The following DLGAP2 variants were observed in gnomAD, a reference collection of about 807,000 sequenced individuals.
DLGAP2 encodes DLG associated protein 2.
Under a neutral mutation model 100.3 loss-of-function variants are expected in DLGAP2, and 26 were observed. That is an observed-to-expected ratio of 0.26 (90% CI 0.19 to 0.36). The LOEUF (loss-of-function observed/expected upper bound fraction) is 0.36. Among genes scored for constraint, DLGAP2 ranks in the 10% least tolerant of loss-of-function variants. DLGAP2 has a pLI of 1.00. For synonymous variants in DLGAP2, 886 were observed against 630.1 expected, an observed-to-expected ratio of 1.41 and a Z score of -6.08; for missense variants, 1,858 against 1,453.2, an observed-to-expected ratio of 1.28 and a Z score of -4.53.
At chr8:825,020 C>T (rs1239841060) in intron 1 of DLGAP2, among the ~76,000 whole-genome samples, 2 of 152,170 alleles carry the variant, frequency 1.3e-5, no homozygotes, top group Non-Finnish European at 2.9e-5. Context: ...ACAAGCAGCA[C>T]CCTGTGTTGA....
chr8:1,619,240 A>G (rs1797252592), intron 6 of DLGAP2, among the ~76,000 whole-genome samples: 2 of 152,258 alleles, frequency 1.3e-5, no homozygotes, highest in Admixed American at 6.5e-5. Context: ...AGAATTAGTC[A>G]TCCAGGAGGT....
Position 1,129,806 on chromosome 8 carries a change from C to T in DLGAP2, c.74-129045C>T, listed in dbSNP as rs369587657. ...GTGGCAGAGGCCCACTGAGGAGCAG[C>T]CTGGATTCATGTCTGGGAGCGCTGA... is the stretch of plus-strand genomic sequence containing the variant. On this transcript the variant is annotated intron_variant, in intron 2 of 14. Coordinates refer to ENST00000637795, the MANE Select transcript of DLGAP2 (RefSeq NM_001346810.2). Among the ~76,000 whole-genome samples the T allele has an allele frequency of 1.7e-3, 260 of 152,270 alleles. 1 individual carries two copies. Among genetic ancestry groups the T allele is most frequent in the African/African-American group, 5.1e-3 (211 of 41,560 alleles).
At chr8:1,486,321 A>T (rs967696057) in intron 3 of DLGAP2, among the ~76,000 whole-genome samples, 1 of 152,234 alleles carries the variant, frequency 6.6e-6, no homozygotes, top group Non-Finnish European at 1.5e-5. Flanking sequence ...TGCAAAAGGC[A>T]GCCAAGACAG....
At chr8:1,700,014 C>G (rs571687390) in intron 14 of DLGAP2, among the ~76,000 whole-genome samples, 175 of 152,342 alleles carry the variant, frequency 1.1e-3, no homozygotes, top group Non-Finnish European at 1.6e-3. Flanking sequence ...TTTCAATGAA[C>G]TGATCCCCCC....
intron 2 of DLGAP2, among the ~76,000 whole-genome samples, chr8:1,220,276 T>A (rs142589399): frequency 0.014 from 2,167 of 152,326 alleles, 30 homozygotes; most frequent in South Asian, 0.068. Flanking sequence ...AACACTGCTT[T>A]ACCTGTGACC....
At chr8:1,516,412 AGAGT>A (rs1243281797) in intron 4 of DLGAP2, among the ~76,000 whole-genome samples, 1 of 148,714 alleles carries the variant, frequency 6.7e-6, no homozygotes, top group African/African-American at 2.5e-5. Context: ...ACTGAGTGAA[AGAGT>A]GAGTGACTGA....
At chr8:981,450 T>A (rs1800329155) in intron 2 of DLGAP2, among the ~76,000 whole-genome samples, 1 of 151,998 alleles carries the variant, frequency 6.6e-6, no homozygotes. Flanking sequence ...TATCTAGGAG[T>A]GGAAGCGCTA....
At chr8:1,489,465 A>C (rs927498366) in intron 3 of DLGAP2, among the ~76,000 whole-genome samples, 2 of 152,194 alleles carry the variant, frequency 1.3e-5, no homozygotes, top group African/African-American at 4.8e-5. Context: ...AGAAGGAAGG[A>C]AGCTGTACGT....
intron 2 of DLGAP2, among the ~76,000 whole-genome samples, chr8:1,140,336 CT>C (rs1796500300): frequency 8.0e-6 from 1 of 124,694 alleles, no homozygotes. Context: ...TCCCTTCCAT[CT>C]GGAAGGCAGA....
Position 1,254,973 on chromosome 8 carries a change from G to GCCCGGCCGC in DLGAP2, c.74-3878_74-3877insCCCGGCCGC, listed in dbSNP as rs1799145978. Reference sequence around the variant, plus strand: ...TGCTGTGTGTGTGTCCTCTCATCCTGTCCGGGTGCTGTGTGTGTGTCCTCT... The same window carrying GCCCGGCCGC: ...TGCTGTGTGTGTGTCCTCTCATCCTGCCCGGCCGCTCCGGGTGCTGTGTGTGTGTCCTCT... On this transcript the variant is annotated intron_variant, in intron 2 of 14. Coordinates refer to ENST00000637795, the MANE Select transcript of DLGAP2 (RefSeq NM_001346810.2). Among the ~76,000 whole-genome samples, 12 of 121,298 alleles carry GCCCGGCCGC rather than the reference G, an allele frequency of 9.9e-5. 1 individual carries two copies. Among genetic ancestry groups the GCCCGGCCGC allele is most frequent in the Admixed American group, 3.3e-4 (4 of 12,250 alleles). The allele number at this position is 121,298 out of a possible 152,430, so 79.6% of individuals were successfully genotyped here. A position where few individuals can be genotyped will look rare whatever the true frequency, so the allele number is the denominator to read the frequency against.
intron 2 of DLGAP2, among the ~76,000 whole-genome samples, chr8:1,184,368 G>A (rs764220490): frequency 6.6e-6 from 1 of 152,238 alleles, no homozygotes; most frequent in African/African-American, 2.4e-5. Flanking sequence ...CGCTTCTGGG[G>A]AGCGGCTGTC....
At chr8:1,549,800 G>A (rs1317011724) in intron 5 of DLGAP2, 117 bp downstream of exon 5, 1 of 1,124,308 alleles carries the variant, frequency 8.9e-7, no homozygotes, top group Non-Finnish European at 1.2e-6. Context: ...GCAACAGGAT[G>A]TTCTGAGCTA....
intron 6 of DLGAP2, among the ~76,000 whole-genome samples, chr8:1,617,822 A>G (rs1797206703): frequency 2.0e-5 from 3 of 152,258 alleles, no homozygotes; most frequent in Non-Finnish European, 4.4e-5. Context: ...AATGTTAAAA[A>G]TATTTGATTA....
chr8:1,041,846 C>G (rs940374375), intron 2 of DLGAP2, among the ~76,000 whole-genome samples: 5 of 148,720 alleles, frequency 3.4e-5, no homozygotes, highest in Non-Finnish European at 7.4e-5. Flanking sequence ...GGTCAGCGTT[C>G]TCCGAGCCCT....
At chr8:1,652,055 T>G (rs1196988123) in intron 8 of DLGAP2, among the ~76,000 whole-genome samples, 3 of 152,220 alleles carry the variant, frequency 2.0e-5, no homozygotes, top group Admixed American at 6.5e-5. Flanking sequence ...ATTAAGTTGG[T>G]TTTTTTCTGG....
At chr8:789,039 A>G (rs1055288157) in intron 1 of DLGAP2, among the ~76,000 whole-genome samples, 3 of 152,198 alleles carry the variant, frequency 2.0e-5, no homozygotes, top group Non-Finnish European at 2.9e-5. Flanking sequence ...TTTTAAAAAC[A>G]TGCTTTTCTT....
At chr8:1,507,599 GGAGTGGGCGCC>G (rs1799973111) in intron 4 of DLGAP2, among the ~76,000 whole-genome samples, 1 of 152,208 alleles carries the variant, frequency 6.6e-6, no homozygotes, top group Admixed American at 6.5e-5. Flanking sequence ...AAGTGCGGCC[GGAGTGGGCGCC>G]GAGGCGGAGG....
At chr8:1,595,673 C>CAAAA (rs760901814) in intron 6 of DLGAP2, among the ~76,000 whole-genome samples, 1 of 98,504 alleles carries the variant, frequency 1.0e-5, no homozygotes. Context: ...GACTCCGTCT[C>CAAAA]AAAAAAAAAA....
At chr8:937,513 G>C (rs1027556516) in intron 2 of DLGAP2, among the ~76,000 whole-genome samples, 2 of 152,158 alleles carry the variant, frequency 1.3e-5, no homozygotes, top group African/African-American at 4.8e-5. Flanking sequence ...AAACAACACA[G>C]TGGAAAGACC....
Sources: gnomAD v4.1 joint callset for allele counts (sites outside exome capture counted in the v4.1 genomes callset) on GRCh38, gnomAD v4.1.1 for gene constraint, MANE v1.5 for transcripts, NCBI Gene and HGNC (gene_info 2026-07-23, HGNC 2026-07-21) for gene names.